The following SS18L2 variants were observed in gnomAD, a reference collection of about 807,000 sequenced individuals.
SS18L2 encodes SS18 like 2.
Under a neutral mutation model 10.3 loss-of-function variants are expected in SS18L2, and 8 were observed. The observed-to-expected ratio is 0.78, with a 90% confidence interval of 0.46 to 1.41. The LOEUF (loss-of-function observed/expected upper bound fraction) is 1.41, where lower values mean the gene tolerates loss of function less well. Ranked by LOEUF, SS18L2 falls within the 40% of genes most tolerant of loss-of-function variation. SS18L2 has a pLI of 0.00. For synonymous variants in SS18L2, 41 were observed against 34.6 expected (o/e 1.19, Z -0.65); for missense variants, 100 against 96.2 (o/e 1.04, Z -0.17).
chr3:42,582,574 G>C lies in SS18L2; in HGVS notation c.-90+616G>C, dbSNP rs550078702. Among the ~76,000 whole-genome samples, 4 of 152,368 alleles carry C rather than the reference G, an allele frequency of 2.6e-5. No individual in the cohort carries two copies. The South Asian group carries it at 8.3e-4, about 32-fold the overall frequency. ...ATTGAGCACCTGCTATGTGCCAGGG[G>C]TTGTGGACAAAGCGAGGAATTCCTG... is the stretch of plus-strand genomic sequence containing the variant. On this transcript the variant is annotated intron_variant, in intron 1 of 3. Coordinates refer to the SS18L2 transcript ENST00000447630.
intron 1 of SS18L2, 24 bp downstream of exon 1, chr3:42,590,990 G>C: frequency 7.2e-7 from 1 of 1,385,510 alleles, no homozygotes; most frequent in Non-Finnish European, 1.0e-6. Context: ...CGGGCGGGCG[G>C]GCGGGCGGAG....
intron 2 of SS18L2, among the ~76,000 whole-genome samples, chr3:42,592,592 C>T (rs1704888065): frequency 6.6e-6 from 1 of 152,118 alleles, no homozygotes. Flanking sequence ...ACCTACAGTC[C>T]CTCACTGAAT....
intron 1 of SS18L2, among the ~76,000 whole-genome samples, chr3:42,582,756 C>T (rs1297226337): frequency 2.0e-5 from 3 of 152,042 alleles, no homozygotes; most frequent in Non-Finnish European, 4.4e-5. Flanking sequence ...AGGAGGCTAA[C>T]TAGGCAAAGG....
At chr3:42,591,647 A>C in intron 2 of SS18L2, 46 bp downstream of exon 2, 1 of 1,293,068 alleles carries the variant, frequency 7.7e-7, no homozygotes, top group Non-Finnish European at 1.1e-6. Flanking sequence ...GTAGAGGGGA[A>C]GCCTGTGTGA....
rs566248772 is a variant in SS18L2, at chr3:42,592,810, G to T, written c.146+1209G>T. Among the ~76,000 whole-genome samples, 3 of 152,200 alleles carry T rather than the reference G, an allele frequency of 2.0e-5. No homozygotes were observed. In the East Asian group the frequency reaches 5.8e-4, roughly 29 times the overall value. On this transcript the variant is annotated intron_variant, in intron 2 of 2. Transcript: ENST00000011691. ...AATCTCCTAGTGGGGTTTTTCAATT[G>T]CACAGGCCATGCTTTCTGAGCCCTT...
At position 42,590,869 on chromosome 3, in the gene SS18L2, G is replaced by C. The variant is rs1704799244; in HGVS notation, c.-29G>C. On this transcript the variant is annotated 5_prime_UTR_variant, in exon 1 of 3. Transcript: ENST00000011691. ...CCACCTATCGTGGGTCGAGTTGCTT[G>C]GCGGTCGTGGTTCCGGAGGTTCCTC... 1.9e-6 allele frequency: 3 copies of C among 1,613,580 alleles called. No homozygotes were observed. The highest frequency in any genetic ancestry group is 2.5e-6 in the Non-Finnish European group (3 of 1,179,496).
chr3:42,591,671 C>G (rs568727201), intron 2 of SS18L2, 70 bp downstream of exon 2: 8 of 1,054,578 alleles, frequency 7.6e-6, no homozygotes, highest in Non-Finnish European at 1.2e-5. Flanking sequence ...GGTGCTTTCT[C>G]GAACTAAGAG....
rs533486562 is a variant in SS18L2, at chr3:42,584,918, G to A, written c.-90+2960G>A. Among the ~76,000 whole-genome samples the A allele has an allele frequency of 9.2e-5, 14 of 152,218 alleles. No homozygotes were observed. In the East Asian group the frequency reaches 1.9e-3, roughly 21 times the overall value. On this transcript the variant is annotated intron_variant, in intron 1 of 3. Transcript: ENST00000447630. The stretch of plus-strand genomic sequence containing the variant: ...TGGGAGGCCAAGGTGGGTGGATCAC[G>A]AGGTCAGGGACCAGCCTGTCCAACA...
Position 42,590,932 on chromosome 3 carries a change from G to C in SS18L2, c.35G>C (p.Gly12Ala), listed in dbSNP as rs1388391857. 1.2e-5 allele frequency: 17 copies of C among 1,448,756 alleles called. No individual in the cohort carries two copies. The highest frequency in any genetic ancestry group is 1.5e-5 in the African/African-American group (1 of 68,592). 89.7% of individuals were successfully genotyped at this position (1,448,756 alleles called of 1,614,324 possible). A position where few individuals can be genotyped will look rare whatever the true frequency, so the allele number is the denominator to read the frequency against. ...GCCTTCGTACCGGACTGGCTGAGGG[G>C]CAAGGCGGAAGTCAATCAAGAGACT... is the stretch of plus-strand genomic sequence containing the variant. ...SVAFVPDWLR[G>A]KAEVNQETIQ... The change falls in exon 1 of 3, where the codon GGC (glycine) becomes GCC (alanine). Residue 12 changes from glycine (G) to alanine (A), a missense_variant. Transcript: ENST00000011691.
rs1262377539 is a variant in SS18L2, at chr3:42,585,182, T to C, written c.-90+3224T>C. 2.0e-5 allele frequency among the ~76,000 whole-genome samples: 3 copies of C among 152,126 alleles called. No homozygotes were observed. In the East Asian group the frequency reaches 5.8e-4, roughly 29 times the overall value. ...AACAAACAAATATGGGGAATTGGGC[T>C]CTCAAAACTTGTGGTGCGAGTGCTT... On this transcript the variant is annotated intron_variant, in intron 1 of 3. Transcript: ENST00000447630.
At position 42,596,816 on chromosome 3, in the gene SS18L2, G is replaced by A. The variant is rs1342988342; in HGVS notation, c.*2307G>A. Among the ~76,000 whole-genome samples, 1 of 152,154 alleles carries A rather than the reference G, an allele frequency of 6.6e-6. No individual in the cohort carries two copies. Among genetic ancestry groups the A allele is most frequent in the Non-Finnish European group, 1.5e-5 (1 of 68,026 alleles). On this transcript the variant is annotated 3_prime_UTR_variant, in exon 3 of 3. Transcript: ENST00000011691. ...GAGAGATCAAAGTGATTTGTCTCAG[G>A]TCACATAACCAGTGGCAGAAAGAAG...
chr3:42,591,415 G>A, intron 1 of SS18L2, 110 bp from the exon 2 acceptor site: 1 of 790,044 alleles, frequency 1.3e-6, no homozygotes, highest in East Asian at 2.5e-5. Context: ...GGCTAGTCTC[G>A]AACTCCTGAC....
At chr3:42,588,247 C>CA (rs1017960409), upstream of SS18L2, among the ~76,000 whole-genome samples, 42 of 150,414 alleles carry the variant, frequency 2.8e-4, no homozygotes, top group Middle Eastern at 3.5e-3. Context: ...ACTAAAAATA[C>CA]AAAAAAATTA....
chr3:42,589,244 G>A (rs1365293820), upstream of SS18L2, among the ~76,000 whole-genome samples: 1 of 152,026 alleles, frequency 6.6e-6, no homozygotes, highest in Non-Finnish European at 1.5e-5. Context: ...ACTCCAGCCT[G>A]GGTGACAGAG....
chr3:42,589,761 C>T (rs780220368), upstream of SS18L2, among the ~76,000 whole-genome samples: 12 of 152,188 alleles, frequency 7.9e-5, no homozygotes, highest in Non-Finnish European at 1.8e-4. Context: ...CCCCCACCTC[C>T]GTGGAAGACA....
chr3:42,589,603 G>A (rs1704744656), upstream of SS18L2, among the ~76,000 whole-genome samples: 1 of 152,326 alleles, frequency 6.6e-6, no homozygotes, highest in Admixed American at 6.5e-5. Flanking sequence ...TCAGATCAGC[G>A]GGGGCATTAG....
chr3:42,588,673 A>C (rs1200813446), upstream of SS18L2, among the ~76,000 whole-genome samples: 2 of 152,140 alleles, frequency 1.3e-5, no homozygotes, highest in Non-Finnish European at 2.9e-5. Flanking sequence ...GTTCATGCCC[A>C]TAATCCCAGG....
At chr3:42,582,231 C>G (rs886914371) in intron 1 of SS18L2, 1 of 152,258 alleles carries the variant, frequency 6.6e-6, no homozygotes, top group Non-Finnish European at 1.5e-5. Context: ...TTCTCACGTC[C>G]GGAGGTGAGA....
In SS18L2 at chr3:42,591,566, G is replaced by C. The variant is rs775673850; in HGVS notation, c.111G>C (p.Glu37Asp). Residue 37 changes from glutamate (E) to aspartate (D), a missense_variant, in exon 2 of 3, where the codon GAG becomes GAC. Glu to Asp is a conservative substitution (Grantham distance 45). Transcript: ENST00000011691. ...ENDQLIRCIVEYQNKGRGNEC... is the reference protein window; with the variant it reads ...ENDQLIRCIVDYQNKGRGNEC... ...ACCAGCTGATCCGCTGTATTGTGGA[G>C]TATCAGAACAAGGGCCGCGGGAACG... is the stretch of plus-strand genomic sequence containing the variant. 9 of 1,614,082 alleles carry C rather than the reference G, an allele frequency of 5.6e-6. No individual in the cohort carries two copies. The highest frequency in any genetic ancestry group is 6.8e-6 in the Non-Finnish European group (8 of 1,179,938).
Sources: allele counts gnomAD v4.1 joint callset (sites outside exome capture counted in the v4.1 genomes callset), GRCh38; gene constraint gnomAD v4.1.1; transcripts MANE v1.5; gene names NCBI Gene and HGNC (gene_info 2026-07-23, HGNC 2026-07-21).